PACSIN2: variants seen among roughly 807,000 people sequenced by gnomAD.
PACSIN2 encodes the protein protein kinase C and casein kinase substrate in neurons protein 2.
A neutral mutation model predicts 63.8 loss-of-function variants in PACSIN2; 25 were observed. The observed-to-expected ratio is 0.39, with a 90% CI of 0.29 to 0.55. The LOEUF (loss-of-function observed/expected upper bound fraction) is 0.55. Among genes scored for constraint, PACSIN2 ranks in the 20% least tolerant of loss-of-function variants. PACSIN2 has a pLI of 0.62. For missense variants in PACSIN2, 518 were observed against 646.9 expected, an observed-to-expected ratio of 0.80 and a Z score of 2.16; for synonymous variants, 255 against 256.2, an observed-to-expected ratio of 1.00 and a Z score of 0.05.
intron 1 of PACSIN2, among the ~76,000 whole-genome samples, chr22:42,954,378 A>T (rs9620106): frequency 0.093 from 14,130 of 152,208 alleles, 2,214 homozygotes; most frequent in African/African-American, 0.33. Context: ...ACACTTAAAA[A>T]GTAGTTAGTC....
intron 1 of PACSIN2, among the ~76,000 whole-genome samples, chr22:42,928,754 A>C (rs1350283935): frequency 2.0e-5 from 3 of 152,198 alleles, no homozygotes; most frequent in Non-Finnish European, 4.4e-5. Flanking sequence ...TATACCTCTA[A>C]ACAAACAAAA....
At chr22:42,980,072 TAAAA>T (rs527709387) in intron 1 of PACSIN2, among the ~76,000 whole-genome samples, 20 of 148,698 alleles carry the variant, frequency 1.3e-4, no homozygotes, top group African/African-American at 4.9e-4. Context: ...AGTTGTTAAT[TAAAA>T]AAAAAAGAAA....
intron 2 of PACSIN2, among the ~76,000 whole-genome samples, chr22:42,900,771 A>G (rs972801413): frequency 1.3e-5 from 2 of 152,174 alleles, no homozygotes; most frequent in Admixed American, 1.3e-4. Context: ...ACCGCACCCG[A>G]CCTAGTGTCC....
chr22:42,895,209 G>C (rs192170586), intron 2 of PACSIN2, among the ~76,000 whole-genome samples: 1 of 152,216 alleles, frequency 6.6e-6, no homozygotes, highest in Non-Finnish European at 1.5e-5. Context: ...TGAGGAAGTC[G>C]GAAGTGAGCA....
At chr22:42,893,766 G>C (rs1182747455) in intron 2 of PACSIN2, among the ~76,000 whole-genome samples, 153 bp from the exon 3 acceptor site, 1 of 152,234 alleles carries the variant, frequency 6.6e-6, no homozygotes, top group Non-Finnish European at 1.5e-5. Context: ...ACTCCGTGTA[G>C]TTAGATAATG....
At chr22:42,921,342 G>A (rs1270085858) in intron 1 of PACSIN2, among the ~76,000 whole-genome samples, 1 of 149,654 alleles carries the variant, frequency 6.7e-6, no homozygotes, top group Non-Finnish European at 1.5e-5. Flanking sequence ...CTGGGCGACA[G>A]TGTGAGACTC....
chr22:42,931,212 T>A (rs991035429), intron 1 of PACSIN2, among the ~76,000 whole-genome samples: 1 of 152,230 alleles, frequency 6.6e-6, no homozygotes, highest in African/African-American at 2.4e-5. Flanking sequence ...GGCAATGATA[T>A]GTGAGAAGCA....
intron 10 of PACSIN2, among the ~76,000 whole-genome samples, chr22:42,873,368 T>C (rs1236354824): frequency 1.3e-5 from 2 of 151,828 alleles, no homozygotes; most frequent in Non-Finnish European, 2.9e-5. Context: ...TAAAGGCACA[T>C]TAAAAAAAAA....
chr22:42,956,150 C>T (rs542212932), intron 1 of PACSIN2, among the ~76,000 whole-genome samples: 3 of 152,296 alleles, frequency 2.0e-5, no homozygotes, highest in Non-Finnish European at 4.4e-5. Flanking sequence ...AAATTCATAG[C>T]ACCCTTCACA....
intron 8 of PACSIN2, among the ~76,000 whole-genome samples, chr22:42,878,048 T>C (rs575611002): frequency 6.6e-6 from 1 of 152,342 alleles, no homozygotes; most frequent in South Asian, 2.1e-4. Flanking sequence ...CCAGGCCACA[T>C]GTCTGAGCTC....
intron 1 of PACSIN2, among the ~76,000 whole-genome samples, chr22:42,965,868 C>T (rs1031273500): frequency 2.0e-5 from 3 of 152,108 alleles, no homozygotes; most frequent in Non-Finnish European, 4.4e-5. Context: ...TAGTTTCTCT[C>T]TTCAAATAAG....
At chr22:43,010,275 A>G (rs886304748) in intron 1 of PACSIN2, among the ~76,000 whole-genome samples, 14 of 151,414 alleles carry the variant, frequency 9.2e-5, no homozygotes, top group African/African-American at 3.4e-4. Flanking sequence ...GTGGTAGCTC[A>G]CACCTGTAAT....
chr22:42,998,027 G>T (rs534380891), intron 1 of PACSIN2, among the ~76,000 whole-genome samples: 381 of 152,338 alleles, frequency 2.5e-3, no homozygotes, highest in African/African-American at 8.9e-3. Context: ...TGGAAAAGAG[G>T]TTTCTCAGGA....
At chr22:42,956,955 G>A (rs545145393) in intron 1 of PACSIN2, among the ~76,000 whole-genome samples, 29 of 152,112 alleles carry the variant, frequency 1.9e-4, no homozygotes, top group Non-Finnish European at 3.2e-4. Context: ...ACTAAGAAAA[G>A]GAAGCCGATT....
chr22:42,995,433 T>C lies in PACSIN2; in HGVS notation c.-78+19588A>G, dbSNP rs140951408. Among the ~76,000 whole-genome samples the C allele has an allele frequency of 2.1e-3, 326 of 152,250 alleles. 1 individual carries two copies. Among genetic ancestry groups the C allele is most frequent in the Middle Eastern group, 0.01 (3 of 294 alleles). Reference sequence around the variant, plus strand: ...AGTCAGGATGACAAATGTTGTTTCATTGCACCCTCCGTCCACTGAGGAGAC... The same window carrying C: ...AGTCAGGATGACAAATGTTGTTTCACTGCACCCTCCGTCCACTGAGGAGAC... On this transcript the variant is annotated intron_variant, in intron 1 of 10. Transcript: ENST00000263246.
At chr22:42,920,683 A>G (rs1932125796) in intron 1 of PACSIN2, among the ~76,000 whole-genome samples, 1 of 151,902 alleles carries the variant, frequency 6.6e-6, no homozygotes, top group South Asian at 2.1e-4. Flanking sequence ...CCACCTAAAA[A>G]CGCCAGTGCT....
At chr22:42,982,879 A>AAAAAAAAAAAAC (rs1922297056) in intron 1 of PACSIN2, among the ~76,000 whole-genome samples, 1 of 133,122 alleles carries the variant, frequency 7.5e-6, no homozygotes, top group African/African-American at 2.9e-5. Context: ...TAAAAAAAAA[A>AAAAAAAAAAAAC]AAAAAAAAAA....
At chr22:42,906,308 A>G (rs1164723149) in intron 2 of PACSIN2, among the ~76,000 whole-genome samples, 1 of 152,276 alleles carries the variant, frequency 6.6e-6, no homozygotes, top group Non-Finnish European at 1.5e-5. Flanking sequence ...GAGATTGGGC[A>G]GCAAAGGCTG....
At chr22:42,927,576 GTTAT>G (rs377033443) in intron 1 of PACSIN2, among the ~76,000 whole-genome samples, 127 of 150,378 alleles carry the variant, frequency 8.4e-4, no homozygotes, top group Middle Eastern at 6.9e-3. Flanking sequence ...TATTTATTTA[GTTAT>G]TTAGTTATTT....
Sources: allele counts gnomAD v4.1 joint callset (sites outside exome capture counted in the v4.1 genomes callset), GRCh38; gene constraint gnomAD v4.1.1; transcripts MANE v1.5; gene names NCBI Gene and HGNC (gene_info 2026-07-23, HGNC 2026-07-21).